Variants in USP32 observed in about 807,000 individuals in gnomAD.
USP32 encodes the protein ubiquitin carboxyl-terminal hydrolase 32.
USP32 carries 59 observed loss-of-function variants against 204.8 expected under a neutral mutation model. The observed-to-expected ratio is 0.29, with a 90% CI of 0.23 to 0.36. The LOEUF (loss-of-function observed/expected upper bound fraction) is 0.36. USP32 is among the 10% of genes least tolerant of loss of function. USP32 has a pLI of 1.00. For synonymous variants in USP32, 517 were observed against 678.4 expected (o/e 0.76, Z 3.70); for missense variants, 1,160 against 1,946.4 (o/e 0.60, Z 7.60).
chr17:60,409,122 C>T (rs1041791113), intron 1 of USP32, among the ~76,000 whole-genome samples: 7 of 152,080 alleles, frequency 4.6e-5, no homozygotes, highest in East Asian at 3.9e-4. Flanking sequence ...CCGAGGTGCA[C>T]GGATCACCTG....
chr17:60,368,216 C>T (rs2089356878), intron 1 of USP32, among the ~76,000 whole-genome samples: 1 of 152,130 alleles, frequency 6.6e-6, no homozygotes, highest in African/African-American at 2.4e-5. Context: ...AAGAGAAATA[C>T]AGTATTTAGA....
Position 60,288,511 on chromosome 17 carries a change from G to C in USP32, c.571+12C>G, listed in dbSNP as rs1338712610. 1.3e-6 allele frequency: 2 copies of C among 1,575,496 alleles called. No homozygotes were observed. Among genetic ancestry groups the C allele is most frequent in the Non-Finnish European group, 1.7e-6 (2 of 1,167,068 alleles). On this transcript the variant is annotated intron_variant, in intron 5 of 33. Coordinates refer to ENST00000300896, the MANE Select transcript of USP32 (RefSeq NM_032582.4). ...AAAGGCAAACAGAAAACAATGAAATGTCATTACTTACAATGTGTGACTCCA... is the reference window on the plus strand; with the variant it reads ...AAAGGCAAACAGAAAACAATGAAATCTCATTACTTACAATGTGTGACTCCA...
At chr17:60,190,444 G>A in intron 29 of USP32, 119 bp downstream of exon 29, 1 of 1,356,920 alleles carries the variant, frequency 7.4e-7, no homozygotes, top group Non-Finnish European at 9.7e-7. Flanking sequence ...CATAGAGGAT[G>A]CCAATGAAGG....
chr17:60,379,255 T>C (rs978659267), intron 1 of USP32, among the ~76,000 whole-genome samples: 1 of 152,202 alleles, frequency 6.6e-6, no homozygotes, highest in Non-Finnish European at 1.5e-5. Context: ...AAAGTAGCAC[T>C]GGCATAAATT....
chr17:60,376,424 A>G (rs1303407021), intron 1 of USP32, among the ~76,000 whole-genome samples: 2 of 151,968 alleles, frequency 1.3e-5, no homozygotes, highest in Admixed American at 1.3e-4. Context: ...ATTTTTAAAA[A>G]TAATAAATAT....
Position 60,198,461 on chromosome 17 carries a change from G to A in USP32, c.3250-17C>T. On this transcript the variant is annotated splice_polypyrimidine_tract_variant and intron_variant, in intron 26 of 33. Transcript: ENST00000300896. ...TGTCCTCATCTGTATGTACAAACAA[G>A]AGAATAGAGAGTTCAGAAGACAGGC... 1 of 1,611,004 alleles carries A rather than the reference G, an allele frequency of 6.2e-7. No homozygotes were observed. Among genetic ancestry groups the A allele is most frequent in the Non-Finnish European group, 8.5e-7 (1 of 1,179,214 alleles).
chr17:60,326,342 C>T (rs2088238111), intron 2 of USP32, among the ~76,000 whole-genome samples: 1 of 151,680 alleles, frequency 6.6e-6, no homozygotes, highest in Admixed American at 6.6e-5. Flanking sequence ...CAGAGTTTCG[C>T]TCTCGTCGCC....
At chr17:60,221,120 G>A (rs560248531) in intron 15 of USP32, among the ~76,000 whole-genome samples, 6 of 152,182 alleles carry the variant, frequency 3.9e-5, no homozygotes, top group African/African-American at 1.4e-4. Context: ...CAAGCCAGGT[G>A]CAGTGGCTCA....
chr17:60,223,372 C>A, intron 14 of USP32, 39 bp downstream of exon 14: 1 of 1,557,460 alleles, frequency 6.4e-7, no homozygotes, highest in Non-Finnish European at 8.7e-7. Context: ...TAATAGCTTG[C>A]AAGAGAATAA....
At chr17:60,298,515 A>T (rs1201838677) in intron 3 of USP32, among the ~76,000 whole-genome samples, 1 of 152,190 alleles carries the variant, frequency 6.6e-6, no homozygotes, top group Non-Finnish European at 1.5e-5. Flanking sequence ...CTATGTAAAT[A>T]GTTGTTATAG....
chr17:60,409,846 CA>C (rs370363946), intron 1 of USP32, among the ~76,000 whole-genome samples: 182 of 152,124 alleles, frequency 1.2e-3, no homozygotes, highest in African/African-American at 3.4e-3. Context: ...TTAAAAAAAT[CA>C]CAAAAAAACC....
At chr17:60,400,712 T>C (rs191637408) in intron 1 of USP32, among the ~76,000 whole-genome samples, 22 of 152,132 alleles carry the variant, frequency 1.4e-4, no homozygotes, top group African/African-American at 5.1e-4. Context: ...TCATTAGAGA[T>C]TGATGGTATT....
At chr17:60,360,683 A>G (rs1449183098) in intron 1 of USP32, among the ~76,000 whole-genome samples, 1 of 151,538 alleles carries the variant, frequency 6.6e-6, no homozygotes, top group Non-Finnish European at 1.5e-5. Context: ...GCAAAAAAAC[A>G]AACAAACAAA....
chr17:60,178,966 A>C lies in USP32; in HGVS notation c.*289T>G. ...ATTTGTTCATATCTGGACAAGCACA[A>C]TTGAATTCTTATTTGGTCCCAGGTG... On this transcript the variant is annotated 3_prime_UTR_variant, in exon 34 of 34. Coordinates refer to ENST00000300896, the MANE Select transcript of USP32 (RefSeq NM_032582.4). The C allele has an allele frequency of 3.0e-6, 1 of 334,686 alleles. No homozygotes were observed. The highest frequency in any genetic ancestry group is 6.2e-5 in the South Asian group (1 of 16,162). 20.7% of individuals were successfully genotyped at this position (334,686 alleles called of 1,614,324 possible). A position where few individuals can be genotyped will look rare whatever the true frequency, so the allele number is the denominator to read the frequency against.
intron 22 of USP32, 22 bp from the exon 23 acceptor site, chr17:60,208,850 A>G: frequency 6.5e-7 from 1 of 1,536,092 alleles, no homozygotes; most frequent in Non-Finnish European, 8.7e-7. Flanking sequence ...AAAGATGAGA[A>G]TTTTCTCTCA....
Position 60,334,524 on chromosome 17 carries a change from C to G in USP32, c.186+10957G>C, listed in dbSNP as rs549657207. On this transcript the variant is annotated intron_variant, in intron 2 of 33. Coordinates refer to ENST00000300896, the MANE Select transcript of USP32 (RefSeq NM_032582.4). ...TCTGTGTATAAGTGAAACCTCGTCT[C>G]TACTAAAAATACAAAAAATTAGCCG... is the stretch of plus-strand genomic sequence containing the variant. Among the ~76,000 whole-genome samples, 6 of 151,728 alleles carry G rather than the reference C, an allele frequency of 4.0e-5. No individual in the cohort carries two copies. The South Asian group carries it at 1.0e-3, about 26-fold the overall frequency.
intron 1 of USP32, among the ~76,000 whole-genome samples, chr17:60,403,370 T>G (rs1046269992): frequency 1.3e-5 from 2 of 152,200 alleles, no homozygotes. Flanking sequence ...TTCTGCTGCA[T>G]TTTAGTCATT....
At chr17:60,360,949 C>T (rs1484688719) in intron 1 of USP32, among the ~76,000 whole-genome samples, 4 of 150,286 alleles carry the variant, frequency 2.7e-5, no homozygotes, top group East Asian at 2.0e-4. Flanking sequence ...GCCAACATGG[C>T]GAAACCCCAT....
chr17:60,210,472 C>CG (rs1463180417), intron 21 of USP32, among the ~76,000 whole-genome samples: 1 of 152,002 alleles, frequency 6.6e-6, no homozygotes, highest in Non-Finnish European at 1.5e-5. Flanking sequence ...CCACTATGCC[C>CG]GGCTAATTTT....
Sources: allele counts gnomAD v4.1 joint callset (sites outside exome capture counted in the v4.1 genomes callset), GRCh38; gene constraint gnomAD v4.1.1; transcripts MANE v1.5; gene names NCBI Gene and HGNC (gene_info 2026-07-23, HGNC 2026-07-21).